Variants in EXOC3L4 observed in about 807,000 individuals in gnomAD.
The protein encoded by EXOC3L4 is exocyst complex component 3 like 4.
EXOC3L4 carries 62 observed loss-of-function variants against 69.7 expected under a neutral mutation model. The ratio of observed to expected loss-of-function variants is 0.89; its 90% CI spans 0.72 to 1.10. The LOEUF (loss-of-function observed/expected upper bound fraction) is 1.10. EXOC3L4 is among the 50% of genes least tolerant of loss of function. The pLI, the probability that EXOC3L4 is intolerant of heterozygous loss-of-function variation, is 0.00. For missense variants in EXOC3L4, 1,087 were observed against 1,034.8 expected (o/e 1.05, Z -0.69); for synonymous variants, 502 against 464.2 (o/e 1.08, Z -1.05).
At chr14:103,104,478 C>G (rs1429591522) in intron 5 of EXOC3L4, 89 bp downstream of exon 5, 3 of 1,402,188 alleles carry the variant, frequency 2.1e-6, no homozygotes, top group Non-Finnish European at 2.8e-6. Context: ...CCTATCCAGT[C>G]CCAACCAACC....
rs1450406035 is a variant in EXOC3L4 at position 103,103,345 on chromosome 14, ACT to A, written c.1049+576_1049+577del. On this transcript the variant is annotated intron_variant, in intron 3 of 11. Transcript: ENST00000688303. The stretch of plus-strand genomic sequence containing the variant: ...ACTCCAGCATGGGCGACAGAGCAAG[ACT>A]CTGTCTCAAAAAAAAAAAAAAAAAG... 2.7e-5 allele frequency among the ~76,000 whole-genome samples: 3 copies of A among 111,614 alleles called. No homozygotes were observed. In the East Asian group the frequency reaches 9.4e-4, roughly 35 times the overall value. 73.2% of individuals were successfully genotyped at this position (111,614 alleles called of 152,430 possible).
At chr14:103,102,064 A>C in intron 2 of EXOC3L4, 54 bp from the exon 3 acceptor site, 1 of 1,528,972 alleles carries the variant, frequency 6.5e-7, no homozygotes, top group Non-Finnish European at 8.8e-7. Flanking sequence ...GTCTTCGTCC[A>C]GGTTCGGGTC....
intron 3 of EXOC3L4, 158 bp from the exon 4 acceptor site, chr14:103,103,783 T>C (rs1890353907): frequency 8.1e-6 from 4 of 493,406 alleles, no homozygotes; most frequent in South Asian, 2.5e-5. Context: ...CATGGCAGCC[T>C]AGAGGCGCGC....
rs1259126175 is a variant in EXOC3L4, at chr14:103,103,360, AAAAAAAAAAAAG to A, written c.1050-577_1050-566del. ...ACAGAGCAAGACTCTGTCTCAAAAA[AAAAAAAAAAAAG>A]AAAGAAAGAAAGAAAAGAAAAAAGA... On this transcript the variant is annotated intron_variant, in intron 3 of 11. Transcript: ENST00000688303. Among the ~76,000 whole-genome samples the A allele has an allele frequency of 4.9e-3, 710 of 144,932 alleles. 7 individuals are homozygous for A. The highest frequency in any genetic ancestry group is 0.017 in the African/African-American group (683 of 40,900).
Position 103,108,814 on chromosome 14 carries a change from C to T in EXOC3L4, c.1976+297C>T, listed in dbSNP as rs147854822. ...TGGGGAGAAAGCCCTCTCTGAAAGC[C>T]AGGGGATTCTGAGACCTGGTCAGGA... On this transcript the variant is annotated intron_variant, in intron 11 of 11. Transcript: ENST00000688303. 1.3e-4 allele frequency among the ~76,000 whole-genome samples: 20 copies of T among 152,268 alleles called. No individual in the cohort carries two copies. In the East Asian group the frequency reaches 3.7e-3, roughly 28 times the overall value.
At position 103,110,211 on chromosome 14, in the gene EXOC3L4, C is replaced by T; in HGVS notation, c.2157C>T (p.Ile719=). ...TGCCCAGTGCCATGGCTGTGCTGAT[C>T]ACCTGCGTCTAGTTCTCTCTGGCTC... ...IKVPSAMAVL[I]TCV The change falls in exon 12 of 12, where the codon ATC becomes ATT. Residue 719 remains isoleucine, a synonymous_variant. Transcript: ENST00000688303. 2 of 1,509,074 alleles carry T rather than the reference C, an allele frequency of 1.3e-6. No individual in the cohort carries two copies. The highest frequency in any genetic ancestry group is 1.8e-6 in the Non-Finnish European group (2 of 1,126,578). The allele number at this position is 1,509,074 out of a possible 1,614,324, so 93.5% of individuals were successfully genotyped here. A position where few individuals can be genotyped will look rare whatever the true frequency, so the allele number is the denominator to read the frequency against.
intron 3 of EXOC3L4, 41 bp downstream of exon 3, chr14:103,102,813 C>T (rs1890285731): frequency 2.3e-6 from 3 of 1,309,436 alleles, no homozygotes; most frequent in Non-Finnish European, 2.9e-6. Context: ...GGACAGCTGC[C>T]GCTTCCTCCG....
Position 103,108,455 on chromosome 14 carries a change from G to A in EXOC3L4, c.1914G>A (p.Glu638=). 1.2e-6 allele frequency: 2 copies of A among 1,613,994 alleles called. No individual in the cohort carries two copies. The highest frequency in any genetic ancestry group is 1.7e-6 in the Non-Finnish European group (2 of 1,179,920). The change falls in exon 11 of 12, where the codon GAG becomes GAA. Residue 638 remains glutamate, a synonymous_variant. Transcript: ENST00000688303. ...AGTGCGTGGCTGAGATCCTGGGCGA[G>A]ACCTACAAAGATGACATCCAGCGGC... is the stretch of plus-strand genomic sequence containing the variant. ...AIQCVAEILG[E]TYKDDIQRHL...
rs1229681287 is a variant in EXOC3L4, at chr14:103,104,843, G to A, written c.1385+5G>A. On this transcript the variant is annotated splice_donor_5th_base_variant and intron_variant, in intron 6 of 11. Transcript: ENST00000688303. ...GCTCGGCCTCTTCGTGCCCAGGTGC[G>A]GACGCATCCTCAGTAGGGGAGCGAC... 8.0e-6 allele frequency: 12 copies of A among 1,507,404 alleles called. No homozygotes were observed. The highest frequency in any genetic ancestry group is 2.5e-5 in the East Asian group (1 of 40,660). The allele number at this position is 1,507,404 out of a possible 1,614,324, so 93.4% of individuals were successfully genotyped here. A position where few individuals can be genotyped will look rare whatever the true frequency, so the allele number is the denominator to read the frequency against.
In EXOC3L4 at chr14:103,107,448, A is replaced by AGGGACTGGCTGACGC; in HGVS notation, c.1607_1621dup (p.Arg536_Thr540dup). The AGGGACTGGCTGACGC allele has an allele frequency of 2.5e-6, 4 of 1,613,998 alleles. No individual in the cohort carries two copies. The highest frequency in any genetic ancestry group is 1.1e-5 in the South Asian group (1 of 91,084). Reference sequence around the variant, plus strand: ...GCCGCTCTTCAGGGTTGTGTGCACCAGGGACTGGCTGACGCAGGACTGGCT... The same window carrying AGGGACTGGCTGACGC: ...GCCGCTCTTCAGGGTTGTGTGCACCAGGGACTGGCTGACGCGGGACTGGCTGACGCAGGACTGGCT... On this transcript the variant is annotated inframe_insertion, in exon 9 of 12. Transcript: ENST00000688303.
At position 103,100,423 on chromosome 14, in the gene EXOC3L4, C is replaced by A; in HGVS notation, c.204C>A (p.Val68=). The A allele has an allele frequency of 6.2e-7, 1 of 1,613,094 alleles. No individual in the cohort carries two copies. Among genetic ancestry groups the A allele is most frequent in the Non-Finnish European group, 8.5e-7 (1 of 1,179,776 alleles). The part of the protein sequence containing the change: ...SRASQRALTQ[V]SKEDTGLFRR... ...CCAGCCAGCGGGCTTTGACCCAGGT[C>A]TCCAAGGAAGATACGGGCCTGTTCC... Residue 68 remains valine, a synonymous_variant, in exon 2 of 12, where the codon GTC becomes GTA. Transcript: ENST00000688303.
intron 2 of EXOC3L4, 140 bp from the exon 3 acceptor site, chr14:103,101,978 C>A: frequency 2.3e-6 from 2 of 884,484 alleles, no homozygotes; most frequent in East Asian, 2.8e-5. Flanking sequence ...GTTCCTGGAG[C>A]AGGCCTTCAG....
At position 103,102,368 on chromosome 14, in the gene EXOC3L4, C is replaced by T. The variant is rs765749804; in HGVS notation, c.645C>T (p.Ala215=). 22 of 1,561,682 alleles carry T rather than the reference C, an allele frequency of 1.4e-5. No homozygotes were observed. The highest frequency in any genetic ancestry group is 1.8e-5 in the Non-Finnish European group (21 of 1,160,752). Residue 215 remains alanine, a synonymous_variant, in exon 3 of 12, where the codon GCC becomes GCT. Coordinates refer to ENST00000688303, the MANE Select transcript of EXOC3L4 (RefSeq NM_001077594.2). ...ACGCGGCCGCGCTGGCCGAGCTGGC[C>T]CGCGTGGTGAGCGCGGAGGAGGAAG... is the stretch of plus-strand genomic sequence containing the variant. The part of the protein sequence containing the change: ...GVDAAALAEL[A]RVVSAEEEAH...
In EXOC3L4 at chr14:103,097,650, G is replaced by C. The variant is rs1229400649; in HGVS notation, c.-16-2554G>C. Among the ~76,000 whole-genome samples, 1 of 152,216 alleles carries C rather than the reference G, an allele frequency of 6.6e-6. No homozygotes were observed. Among genetic ancestry groups the C allele is most frequent in the Non-Finnish European group, 1.5e-5 (1 of 68,026 alleles). On this transcript the variant is annotated intron_variant, in intron 1 of 11. Coordinates refer to ENST00000688303, the MANE Select transcript of EXOC3L4 (RefSeq NM_001077594.2). This position sits in a 1 kb window ranked among gnomAD's most constrained non-coding sequence, Gnocchi z 4.9. ...GAGGCTGCCAGCCCAGTGCAGGAGGGCCACATCATCACAGGGACAGTGCCG... is the reference window on the plus strand; with the variant it reads ...GAGGCTGCCAGCCCAGTGCAGGAGGCCCACATCATCACAGGGACAGTGCCG...
rs1889935470 is a variant in EXOC3L4 at position 103,097,284 on chromosome 14, C to T, written c.-17+2444C>T. On this transcript the variant is annotated intron_variant, in intron 1 of 11. Coordinates refer to ENST00000688303, the MANE Select transcript of EXOC3L4 (RefSeq NM_001077594.2). This position sits in a 1 kb window ranked among gnomAD's most constrained non-coding sequence, Gnocchi z 4.9. Reference sequence around the variant, plus strand: ...TTAGCCTGACCTGGGGAGAGTGGGACCCGGGGCTCAGGCCGGGCGTCAGTC... The same window carrying T: ...TTAGCCTGACCTGGGGAGAGTGGGATCCGGGGCTCAGGCCGGGCGTCAGTC... 6.6e-6 allele frequency among the ~76,000 whole-genome samples: 1 copy of T among 152,118 alleles called. No homozygotes were observed. Among genetic ancestry groups the T allele is most frequent in the South Asian group, 2.1e-4 (1 of 4,828 alleles).
At chr14:103,107,041 C>T in intron 8 of EXOC3L4, 142 bp downstream of exon 8, 3 of 743,172 alleles carry the variant, frequency 4.0e-6, no homozygotes, top group Non-Finnish European at 2.1e-6. Flanking sequence ...GGGCAGGGGA[C>T]CCAGGTGAGG....
Position 103,109,200 on chromosome 14 carries a change from GT to G in EXOC3L4, c.1976+684del, listed in dbSNP as rs1890766903. 4.9e-4 allele frequency among the ~76,000 whole-genome samples: 26 copies of G among 52,708 alleles called. 4 individuals carry two copies. Among genetic ancestry groups the G allele is most frequent in the Admixed American group, 9.4e-4 (4 of 4,244 alleles). 34.6% of individuals were successfully genotyped at this position (52,708 alleles called of 152,430 possible). A position where few individuals can be genotyped will look rare whatever the true frequency, so the allele number is the denominator to read the frequency against. On this transcript the variant is annotated intron_variant, in intron 11 of 11. Transcript: ENST00000688303. The stretch of plus-strand genomic sequence containing the variant: ...GTCTCCCTCTCTCCCTCGCCACCCT[GT>G]CCCCATGTCTCCCTCCCTCCCTCCC...
At position 103,110,447 on chromosome 14, in the gene EXOC3L4, C is replaced by T. The variant is rs1400354389; in HGVS notation, c.*224C>T. 63 of 660,234 alleles carry T rather than the reference C, an allele frequency of 9.5e-5. No individual in the cohort carries two copies. The East Asian group carries it at 1.8e-3, about 19-fold the overall frequency. The allele number at this position is 660,234 out of a possible 1,614,324, so 40.9% of individuals were successfully genotyped here. On this transcript the variant is annotated 3_prime_UTR_variant, in exon 12 of 12. Coordinates refer to ENST00000688303, the MANE Select transcript of EXOC3L4 (RefSeq NM_001077594.2). ...GGGAGTGTTTTGGGGCCGCAGAGCT[C>T]TCAATGCTGCCTATCGGGCGGGGGG...
intron 1 of EXOC3L4, among the ~76,000 whole-genome samples, chr14:103,098,174 G>T (rs74083804): frequency 0.016 from 2,454 of 152,222 alleles, 65 homozygotes; most frequent in African/African-American, 0.053. Flanking sequence ...CTCTGCCTAT[G>T]TAACCTCCTA....
Sources: allele counts gnomAD v4.1 joint callset (sites outside exome capture counted in the v4.1 genomes callset), GRCh38; gene constraint gnomAD v4.1.1; non-coding constraint Gnocchi (gnomAD v3.1); transcripts MANE v1.5; gene names NCBI Gene and HGNC (gene_info 2026-07-23, HGNC 2026-07-21).